SMAD3: variants seen among roughly 807,000 people sequenced by gnomAD.
The protein encoded by SMAD3 is SMAD family member 3.
In SMAD3, 12 loss-of-function variants were observed where a neutral mutation model predicts 51.8. The ratio of observed to expected loss-of-function variants is 0.23; its 90% confidence interval spans 0.15 to 0.38. The LOEUF (loss-of-function observed/expected upper bound fraction) is 0.38, where lower values mean the gene tolerates loss of function less well. SMAD3 is among the 10% of genes least tolerant of loss of function. The probability of loss-of-function intolerance (pLI) is 1.00; values close to 1 mark genes in which losing one functional copy is unlikely to be tolerated. For synonymous variants in SMAD3, 238 were observed against 227.7 expected (o/e 1.05, Z -0.41); for missense variants, 294 against 565.6 (o/e 0.52, Z 4.87).
chr15:67,166,185 G>A (rs1343206731), intron 3 of SMAD3: 11 of 1,013,324 alleles, frequency 1.1e-5, no homozygotes, highest in Admixed American at 5.1e-5. Context: ...TAGCCCTGGC[G>A]TCCCGCGGGT....
intron 7 of SMAD3, among the ~76,000 whole-genome samples, chr15:67,186,173 C>T (rs1403384018): frequency 4.6e-5 from 7 of 152,218 alleles, no homozygotes; most frequent in Non-Finnish European, 5.9e-5. Context: ...AGTGGCCAAG[C>T]CGGGATGGGG....
At chr15:67,066,921 A>T (rs987952872) in intron 1 of SMAD3, among the ~76,000 whole-genome samples, 3 of 151,978 alleles carry the variant, frequency 2.0e-5, no homozygotes, top group African/African-American at 7.3e-5. Flanking sequence ...TGCCTTCGGG[A>T]TTAGCATTTT....
At chr15:67,162,460 C>T (rs899560966) in intron 1 of SMAD3, among the ~76,000 whole-genome samples, 3 of 152,194 alleles carry the variant, frequency 2.0e-5, no homozygotes, top group Admixed American at 6.5e-5. Flanking sequence ...CCCTGCTACC[C>T]GCAATCTGTT....
At chr15:67,094,886 G>C (rs1229554381) in intron 1 of SMAD3, among the ~76,000 whole-genome samples, 1 of 152,216 alleles carries the variant, frequency 6.6e-6, no homozygotes, top group Non-Finnish European at 1.5e-5. Flanking sequence ...GGATGGCAGG[G>C]CTGCATGAGG....
chr15:67,164,654 G>A (rs562907442), intron 1 of SMAD3, among the ~76,000 whole-genome samples: 5 of 152,294 alleles, frequency 3.3e-5, no homozygotes, highest in South Asian at 4.1e-4. Flanking sequence ...GGAACCCACC[G>A]GGGACTGGTG....
intron 1 of SMAD3, among the ~76,000 whole-genome samples, chr15:67,066,715 C>T (rs914516078): frequency 1.3e-5 from 2 of 152,106 alleles, no homozygotes; most frequent in African/African-American, 2.4e-5. Context: ...TGTTCGGCTC[C>T]GCGGGCCGGA....
At chr15:67,176,942 A>G (rs1962914529) in intron 5 of SMAD3, among the ~76,000 whole-genome samples, 1 of 152,256 alleles carries the variant, frequency 6.6e-6, no homozygotes, top group Non-Finnish European at 1.5e-5. Context: ...CCAGCTGTGC[A>G]AAATGCTCAG....
chr15:67,089,004 G>T (rs920890988), intron 1 of SMAD3, among the ~76,000 whole-genome samples: 3 of 152,164 alleles, frequency 2.0e-5, no homozygotes, highest in Non-Finnish European at 2.9e-5. Context: ...CCTTTCTCCA[G>T]AGAGCCCAGT....
intron 1 of SMAD3, among the ~76,000 whole-genome samples, chr15:67,095,721 C>A (rs911781721): frequency 6.6e-6 from 1 of 152,032 alleles, no homozygotes; most frequent in Non-Finnish European, 1.5e-5. Context: ...TTTTAGTAGA[C>A]GTGGGGTTTC....
intron 1 of SMAD3, among the ~76,000 whole-genome samples, chr15:67,131,580 C>T (rs926767406): frequency 3.3e-5 from 5 of 152,132 alleles, no homozygotes; most frequent in Admixed American, 1.3e-4. Flanking sequence ...CTCCCAGTCC[C>T]GCTGTAAAGA....
chr15:67,187,628 C>A, intron 8 of SMAD3, 119 bp downstream of exon 8: 4 of 1,328,450 alleles, frequency 3.0e-6, no homozygotes, highest in Non-Finnish European at 4.3e-6. Context: ...GCAGAAAGAC[C>A]AAAGATCAGA....
intron 1 of SMAD3, among the ~76,000 whole-genome samples, chr15:67,151,018 G>C (rs1471399662): frequency 6.6e-6 from 1 of 151,248 alleles, no homozygotes; most frequent in African/African-American, 2.4e-5. Flanking sequence ...ACCATGCCTG[G>C]CTAATTTTTT....
chr15:67,126,326 G>T (rs1222228844), intron 1 of SMAD3, among the ~76,000 whole-genome samples: 2 of 151,966 alleles, frequency 1.3e-5, no homozygotes, highest in Non-Finnish European at 2.9e-5. Flanking sequence ...CCATGCTGGG[G>T]CACTGTGCCC....
At chr15:67,140,608 A>G (rs796143466) in intron 1 of SMAD3, among the ~76,000 whole-genome samples, 1 of 152,220 alleles carries the variant, frequency 6.6e-6, no homozygotes, top group Non-Finnish European at 1.5e-5. Context: ...GCCTGACAGG[A>G]CAGTGAGAGT....
chr15:67,183,590 C>T (rs1234488153), intron 6 of SMAD3, among the ~76,000 whole-genome samples: 4 of 152,102 alleles, frequency 2.6e-5, no homozygotes, highest in Non-Finnish European at 4.4e-5. Context: ...ATGGGTCGGT[C>T]ACCTCGTGTT....
chr15:67,186,222 C>T (rs1963219067), intron 7 of SMAD3, among the ~76,000 whole-genome samples: 1 of 152,234 alleles, frequency 6.6e-6, no homozygotes, highest in African/African-American at 2.4e-5. Context: ...TGCTCTTCTG[C>T]TTCTTGGCTC....
At chr15:67,186,820 G>A (rs1963233195) in intron 7 of SMAD3, 1 of 339,242 alleles carries the variant, frequency 2.9e-6, no homozygotes, top group Non-Finnish European at 5.8e-6. Context: ...GAGCCCAGGT[G>A]GAGGGTGCAC....
chr15:67,135,819 G>A (rs537400221), intron 1 of SMAD3, among the ~76,000 whole-genome samples: 1 of 152,188 alleles, frequency 6.6e-6, no homozygotes, highest in African/African-American at 2.4e-5. Flanking sequence ...TTGAATTACG[G>A]GCAAGTGGTA....
At chr15:67,068,976 G>A (rs972298841) in intron 1 of SMAD3, among the ~76,000 whole-genome samples, 1 of 152,190 alleles carries the variant, frequency 6.6e-6, no homozygotes, top group Non-Finnish European at 1.5e-5. Flanking sequence ...TGTGTGGGGG[G>A]TTGGTCACTG....
Sources: allele counts gnomAD v4.1 joint callset (sites outside exome capture counted in the v4.1 genomes callset), GRCh38; gene constraint gnomAD v4.1.1; transcripts MANE v1.5; gene names NCBI Gene and HGNC (gene_info 2026-07-23, HGNC 2026-07-21).